The following ICA1 variants were observed in gnomAD, a reference collection of about 807,000 sequenced individuals.
ICA1 encodes 69 kDa islet cell autoantigen.
ICA1 carries 40 observed loss-of-function variants against 71.0 expected under a neutral mutation model. That is an observed-to-expected ratio of 0.56 (90% confidence interval 0.44 to 0.73). The LOEUF (loss-of-function observed/expected upper bound fraction) is 0.73, where lower values mean the gene tolerates loss of function less well. Among genes scored for constraint, ICA1 ranks in the 30% least tolerant of loss-of-function variants. The probability of loss-of-function intolerance (pLI) is 0.00; values close to 1 mark genes in which losing one functional copy is unlikely to be tolerated. For missense variants in ICA1, 578 were observed against 576.5 expected (o/e 1.00, Z -0.03); for synonymous variants, 207 against 209.5 (o/e 0.99, Z 0.10).
At chr7:8,115,192 G>A (rs1218286187) in intron 13 of ICA1, among the ~76,000 whole-genome samples, 3 of 152,164 alleles carry the variant, frequency 2.0e-5, no homozygotes, top group African/African-American at 7.2e-5. Flanking sequence ...AAAAATCAGT[G>A]TATCTATGAT....
rs528261654 is a variant in ICA1, at chr7:8,152,001, T to C, written c.804+5115A>G. ...TCAAGAGCGAGTTGTAAAGCCAAAT[T>C]GCATTTTTTAGAATTAGCCCTGTTG... On this transcript the variant is annotated intron_variant, in intron 8 of 13. Coordinates refer to ENST00000402384, the MANE Select transcript of ICA1 (RefSeq NM_001136020.3). Among the ~76,000 whole-genome samples, 9 of 152,328 alleles carry C rather than the reference T, an allele frequency of 5.9e-5. No homozygotes were observed. In the South Asian group the frequency reaches 1.9e-3, roughly 32 times the overall value.
At position 8,239,681 on chromosome 7, in the gene ICA1, G is replaced by A. The variant is rs952050842; in HGVS notation, c.-79-3676C>T. 2.6e-5 allele frequency among the ~76,000 whole-genome samples: 4 copies of A among 152,212 alleles called. No individual in the cohort carries two copies. The East Asian group carries it at 5.8e-4, about 22-fold the overall frequency. ...TGACAGACTGTACCTGGAAAATCGG[G>A]ACACTGCCGCCCAAATACTGCACTT... On this transcript the variant is annotated intron_variant, in intron 1 of 13. Coordinates refer to ENST00000402384, the MANE Select transcript of ICA1 (RefSeq NM_001136020.3).
intron 1 of ICA1, among the ~76,000 whole-genome samples, chr7:8,259,496 A>G (rs569990268): frequency 8.3e-4 from 127 of 152,356 alleles, no homozygotes; most frequent in African/African-American, 2.9e-3. Flanking sequence ...TCACAGGCAA[A>G]GCAGCAGCAT....
rs1424166053 is a variant in ICA1, at chr7:8,259,766, C to G, written c.-80+2328G>C. Among the ~76,000 whole-genome samples the G allele has an allele frequency of 2.0e-5, 3 of 152,160 alleles. No individual in the cohort carries two copies. In the East Asian group the frequency reaches 5.8e-4, roughly 29 times the overall value. ...TCAGGATCCAAAGCCCATGAGTCCT[C>G]CATACTCCCTCAGAGTGTTAGATAT... On this transcript the variant is annotated intron_variant, in intron 1 of 13. Coordinates refer to ENST00000402384, the MANE Select transcript of ICA1 (RefSeq NM_001136020.3).
chr7:8,250,467 C>G (rs1000561508), intron 1 of ICA1, among the ~76,000 whole-genome samples: 3 of 152,080 alleles, frequency 2.0e-5, no homozygotes, highest in Non-Finnish European at 4.4e-5. Flanking sequence ...TAAAGTAACA[C>G]GATTTTGATG....
Position 8,127,974 on chromosome 7 carries a change from A to G in ICA1, c.1229T>C (p.Met410Thr). ...CTTGGGGTCTGGCTCTCCCAGGGCCATAGTGGGCACTGGCTCCTTCACTTG... is the reference window on the plus strand; with the variant it reads ...CTTGGGGTCTGGCTCTCCCAGGGCCGTAGTGGGCACTGGCTCCTTCACTTG... The part of the protein sequence containing the change: ...DGQVKEPVPT[M>T]ALGEPDPKAQ... The change falls in exon 13 of 14, where the codon ATG becomes ACG. Residue 410 changes from methionine to threonine, a missense_variant. Coordinates refer to ENST00000402384, the MANE Select transcript of ICA1 (RefSeq NM_001136020.3). 2 of 1,614,226 alleles carry G rather than the reference A, an allele frequency of 1.2e-6. No individual in the cohort carries two copies. The highest frequency in any genetic ancestry group is 2.2e-5 in the East Asian group (1 of 44,894).
intron 1 of ICA1, chr7:8,236,946 T>C (rs534581570): frequency 6.6e-6 from 1 of 152,272 alleles, no homozygotes; most frequent in Admixed American, 6.5e-5. Flanking sequence ...ATCCAATCAT[T>C]CTCCTTTGGT....
intron 13 of ICA1, among the ~76,000 whole-genome samples, chr7:8,124,300 T>C (rs934573791): frequency 1.3e-5 from 2 of 150,606 alleles, no homozygotes; most frequent in East Asian, 3.9e-4. Flanking sequence ...TTTGTATTTT[T>C]AGTAGAGCCG....
intron 1 of ICA1, among the ~76,000 whole-genome samples, chr7:8,243,904 A>G (rs965600430): frequency 2.2e-4 from 34 of 152,366 alleles, no homozygotes; most frequent in Non-Finnish European, 3.8e-4. Flanking sequence ...ACCACTGCTC[A>G]ACGAAATAAA....
At chr7:8,205,283 T>C (rs561442613) in intron 6 of ICA1, among the ~76,000 whole-genome samples, 1 of 152,288 alleles carries the variant, frequency 6.6e-6, no homozygotes, top group East Asian at 1.9e-4. Context: ...ATGAGGAAGA[T>C]ATGCAGATCT....
chr7:8,220,143 G>A (rs938314618), intron 5 of ICA1, among the ~76,000 whole-genome samples: 3 of 152,090 alleles, frequency 2.0e-5, no homozygotes, highest in African/African-American at 7.2e-5. Context: ...AATACTAAAT[G>A]GTAAGATTTA....
chr7:8,141,731 T>A, intron 10 of ICA1, 34 bp downstream of exon 10: 1 of 1,351,566 alleles, frequency 7.4e-7, no homozygotes, highest in Non-Finnish European at 1.0e-6. Context: ...AAGTAATATT[T>A]CAGAAGCAAT....
chr7:8,234,761 C>G lies in ICA1; in HGVS notation c.17+1149G>C, dbSNP rs535647818. Among the ~76,000 whole-genome samples, 1 of 152,102 alleles carries G rather than the reference C, an allele frequency of 6.6e-6. No homozygotes were observed. The highest frequency in any genetic ancestry group is 1.5e-5 in the Non-Finnish European group (1 of 68,010). ...AGAGAAAATAAGATAATGTATAAAA[C>G]TTATGTAAAAGATAATCTCTCTATA... On this transcript the variant is annotated intron_variant, in intron 2 of 13. Coordinates refer to ENST00000402384, the MANE Select transcript of ICA1 (RefSeq NM_001136020.3). This position sits in a 1 kb window ranked among gnomAD's most constrained non-coding sequence, Gnocchi z 4.5.
chr7:8,120,672 G>C (rs1350741124), intron 13 of ICA1, among the ~76,000 whole-genome samples: 2 of 152,186 alleles, frequency 1.3e-5, no homozygotes, highest in Non-Finnish European at 2.9e-5. Context: ...GACTACCCTA[G>C]CTTTCAGGAT....
At chr7:8,245,581 T>C (rs2128503595) in intron 1 of ICA1, among the ~76,000 whole-genome samples, 1 of 152,190 alleles carries the variant, frequency 6.6e-6, no homozygotes, top group East Asian at 1.9e-4. Context: ...AAAAGAATTA[T>C]ACTATGAGTT....
chr7:8,185,919 G>T (rs900604151), intron 6 of ICA1, among the ~76,000 whole-genome samples: 11 of 152,206 alleles, frequency 7.2e-5, no homozygotes, highest in Admixed American at 2.0e-4. Flanking sequence ...TGGGTTAGAT[G>T]CTACAGGAAA....
chr7:8,191,254 T>A (rs1785508312), intron 6 of ICA1, among the ~76,000 whole-genome samples: 2 of 152,224 alleles, frequency 1.3e-5, no homozygotes, highest in African/African-American at 4.8e-5. Context: ...TCTAATTATA[T>A]CACAATAGCT....
At chr7:8,150,167 T>C (rs1030771319) in intron 8 of ICA1, among the ~76,000 whole-genome samples, 2 of 152,228 alleles carry the variant, frequency 1.3e-5, no homozygotes, top group Non-Finnish European at 2.9e-5. Context: ...AAATGGACTT[T>C]GGAGATGGAT....
chr7:8,240,704 T>C (rs917371535), intron 1 of ICA1, among the ~76,000 whole-genome samples: 3 of 151,974 alleles, frequency 2.0e-5, no homozygotes, highest in Non-Finnish European at 4.4e-5. Flanking sequence ...ATAAACAGTG[T>C]AGAGAAGACT....
Sources: gnomAD v4.1 joint callset for allele counts (sites outside exome capture counted in the v4.1 genomes callset) on GRCh38, gnomAD v4.1.1 for gene constraint, Gnocchi (gnomAD v3.1) non-coding constraint, MANE v1.5 for transcripts, NCBI Gene and HGNC (gene_info 2026-07-23, HGNC 2026-07-21) for gene names.